The following PHACTR2 variants were observed in gnomAD, a reference collection of about 807,000 sequenced individuals.
PHACTR2 encodes phosphatase and actin regulator 2.
A neutral mutation model predicts 76.0 loss-of-function variants in PHACTR2; 30 were observed. The observed-to-expected ratio is 0.39, with a 90% confidence interval of 0.30 to 0.54. The LOEUF (loss-of-function observed/expected upper bound fraction) is 0.54, where lower values mean the gene tolerates loss of function less well. PHACTR2 is among the 20% of genes least tolerant of loss of function. The pLI, the probability that PHACTR2 is intolerant of heterozygous loss-of-function variation, is 0.61. For synonymous variants in PHACTR2, 292 were observed against 292.5 expected (o/e 1.00, Z 0.02); for missense variants, 696 against 781.1 (o/e 0.89, Z 1.30).
Position 143,597,786 on chromosome 6 carries a change from C to T in PHACTR2, c.217+60579C>T, listed in dbSNP as rs990146516. On this transcript the variant is annotated intron_variant, in intron 1 of 11. Transcript: ENST00000367584. This position sits in a 1 kb window ranked among gnomAD's most constrained non-coding sequence, Gnocchi z 5.7. ...CATATAGAGCTAGATTATTGGAAAT[C>T]CTCCAGGTCCATTATATTGACATTC... is the stretch of plus-strand genomic sequence containing the variant. Among the ~76,000 whole-genome samples, 2 of 152,200 alleles carry T rather than the reference C, an allele frequency of 1.3e-5. No homozygotes were observed. Among genetic ancestry groups the T allele is most frequent in the African/African-American group, 4.8e-5 (2 of 41,448 alleles).
At chr6:143,677,949 T>G (rs1449030840), upstream of PHACTR2, 1 of 1,187,550 alleles carries the variant, frequency 8.4e-7, no homozygotes, top group Non-Finnish European at 1.1e-6. Context: ...CTAATCTGCA[T>G]AGAGGAATGA....
rs1450865701 is a variant in PHACTR2, at chr6:143,757,239, T to A, written c.455-3162T>A. 6.6e-6 allele frequency among the ~76,000 whole-genome samples: 1 copy of A among 151,990 alleles called. No homozygotes were observed. Among genetic ancestry groups the A allele is most frequent in the Non-Finnish European group, 1.5e-5 (1 of 67,978 alleles). ...TAGGGGCCAGGAAAAGAGTAGTAAA[T>A]GAAAAATGGCCTTTGCCTTAAGAGC... On this transcript the variant is annotated intron_variant, in intron 4 of 12. Coordinates refer to ENST00000440869, the MANE Select transcript of PHACTR2 (RefSeq NM_001100164.2). The surrounding 1 kb of genome is among the most constrained non-coding windows in gnomAD (Gnocchi z 4.2).
chr6:143,544,365 C>G lies in PHACTR2; in HGVS notation c.217+7158C>G, dbSNP rs528034071. Reference sequence around the variant, plus strand: ...GTGTTACAGGAGTGTTGCCATGACCCTTACGATAGGTGAGAAAAGGTATCA... The same window carrying G: ...GTGTTACAGGAGTGTTGCCATGACCGTTACGATAGGTGAGAAAAGGTATCA... On this transcript the variant is annotated intron_variant, in intron 1 of 11. Transcript: ENST00000367584. Among the ~76,000 whole-genome samples, 6 of 151,952 alleles carry G rather than the reference C, an allele frequency of 3.9e-5. No individual in the cohort carries two copies. In the East Asian group the frequency reaches 1.2e-3, roughly 29 times the overall value.
rs1318521908 is a variant in PHACTR2 at position 143,818,412 on chromosome 6, A to G, written c.1923-5262A>G. 1.3e-5 allele frequency among the ~76,000 whole-genome samples: 2 copies of G among 152,234 alleles called. No individual in the cohort carries two copies. The highest frequency in any genetic ancestry group is 2.9e-5 in the Non-Finnish European group (2 of 68,034). ...TTCCACATCTGTACAAAGATGATATAGGAGTACTTTCATCGTAAGATTGTT... is the reference window on the plus strand; with the variant it reads ...TTCCACATCTGTACAAAGATGATATGGGAGTACTTTCATCGTAAGATTGTT... On this transcript the variant is annotated intron_variant, in intron 12 of 12. Transcript: ENST00000440869. This position sits in a 1 kb window ranked among gnomAD's most constrained non-coding sequence, Gnocchi z 4.9.
In PHACTR2 at chr6:143,648,693, G is replaced by C. The variant is rs1776701216; in HGVS notation, c.13+40371G>C. 6.6e-6 allele frequency among the ~76,000 whole-genome samples: 1 copy of C among 152,154 alleles called. No individual in the cohort carries two copies. Among genetic ancestry groups the C allele is most frequent in the Non-Finnish European group, 1.5e-5 (1 of 68,020 alleles). On this transcript the variant is annotated intron_variant, in intron 1 of 11. Transcript: ENST00000305766. This position sits in a 1 kb window ranked among gnomAD's most constrained non-coding sequence, Gnocchi z 6.7. ...CTAGCATAGGGGAAAGTGTAATTCA[G>C]ACAGGCAGACTACTCTGTCTGCATT...
intron 12 of PHACTR2, among the ~76,000 whole-genome samples, chr6:143,814,095 C>A (rs1027509451): frequency 2.0e-5 from 3 of 152,184 alleles, no homozygotes; most frequent in Admixed American, 6.5e-5. Flanking sequence ...GTGGCTCATG[C>A]CTGTAATCCC....
chr6:143,814,595 CTTTTTTTTT>C (rs61652528), intron 12 of PHACTR2, among the ~76,000 whole-genome samples: 2 of 108,416 alleles, frequency 1.8e-5, no homozygotes, highest in African/African-American at 7.4e-5. Flanking sequence ...GACATACACA[CTTTTTTTTT>C]TTTTTTTTTT....
rs776969170 is a variant in PHACTR2, at chr6:143,736,554, A to ATTT, written c.215-12395_215-12393dup. Among the ~76,000 whole-genome samples, 10 of 56,948 alleles carry ATTT rather than the reference A, an allele frequency of 1.8e-4. 1 individual carries two copies. Among genetic ancestry groups the ATTT allele is most frequent in the South Asian group, 8.5e-4 (1 of 1,182 alleles). The allele number at this position is 56,948 out of a possible 152,430, so 37.4% of individuals were successfully genotyped here. A position where few individuals can be genotyped will look rare whatever the true frequency, so the allele number is the denominator to read the frequency against. On this transcript the variant is annotated intron_variant, in intron 2 of 12. Coordinates refer to ENST00000440869, the MANE Select transcript of PHACTR2 (RefSeq NM_001100164.2). ...TGTAATTTATGCCAAACCCTTTACAATTTTTTTTTTTTTTTTTTTTTTTTT... is the reference window on the plus strand; with the variant it reads ...TGTAATTTATGCCAAACCCTTTACAATTTTTTTTTTTTTTTTTTTTTTTTTTTT...
In PHACTR2 at chr6:143,556,939, C is replaced by T. The variant is rs1280949631; in HGVS notation, c.217+19732C>T. Among the ~76,000 whole-genome samples the T allele has an allele frequency of 1.3e-5, 2 of 152,198 alleles. No homozygotes were observed. On this transcript the variant is annotated intron_variant, in intron 1 of 11. Coordinates refer to the PHACTR2 transcript ENST00000367584. This position sits in a 1 kb window ranked among gnomAD's most constrained non-coding sequence, Gnocchi z 4.3. ...ATATGCTGCCTGTCTGTCCTCCTCC[C>T]TCAGAGAGACCACATTTCCTTTTGA...
rs1778119503 is a variant in PHACTR2, at chr6:143,709,386, AAGG to A, written c.47-2627_47-2625del. 6.6e-6 allele frequency among the ~76,000 whole-genome samples: 1 copy of A among 152,220 alleles called. No homozygotes were observed. The highest frequency in any genetic ancestry group is 2.1e-4 in the South Asian group (1 of 4,830). Reference sequence around the variant, plus strand: ...ATAGGATTTATTCCAATTTGTGTGGAAGGAGAACTCATAAGGATTTAGGAAGTG... The same window carrying A: ...ATAGGATTTATTCCAATTTGTGTGGAAGAACTCATAAGGATTTAGGAAGTG... On this transcript the variant is annotated intron_variant, in intron 1 of 12. Transcript: ENST00000440869. The surrounding 1 kb of genome is among the most constrained non-coding windows in gnomAD (Gnocchi z 4.4).
rs1779536115 is a variant in PHACTR2 at position 143,765,375 on chromosome 6, G to A, written c.809G>A (p.Gly270Glu). The change falls in exon 6 of 13, where the codon GGG becomes GAG. Residue 270 changes from glycine (G) to glutamate (E), a missense_variant. This residue lies in a region of PHACTR2 where 460 missense variants were observed against 450.9 expected (regional missense o/e 1.02). Transcript: ENST00000440869. This position sits in a 1 kb window ranked among gnomAD's most constrained non-coding sequence, Gnocchi z 4.1. The stretch of plus-strand genomic sequence containing the variant: ...AAGGAGACAGTTTCTAGCAAAGCAG[G>A]GACAGTGGGGACCACCAAGGGCAAG... ...ASKETVSSKA[G>E]TVGTTKGKRK... 1.2e-5 allele frequency: 20 copies of A among 1,614,162 alleles called. No homozygotes were observed. Among genetic ancestry groups the A allele is most frequent in the Non-Finnish European group, 1.7e-5 (20 of 1,180,038 alleles).
chr6:143,789,124 A>G lies in PHACTR2; in HGVS notation c.1845+214A>G. 1 of 415,520 alleles carries G rather than the reference A, an allele frequency of 2.4e-6. No homozygotes were observed. The highest frequency in any genetic ancestry group is 3.5e-5 in the East Asian group (1 of 28,934). 25.7% of individuals were successfully genotyped at this position (415,520 alleles called of 1,614,324 possible). A position where few individuals can be genotyped will look rare whatever the true frequency, so the allele number is the denominator to read the frequency against. On this transcript the variant is annotated intron_variant, in intron 11 of 12. Coordinates refer to ENST00000440869, the MANE Select transcript of PHACTR2 (RefSeq NM_001100164.2). The surrounding 1 kb of genome is among the most constrained non-coding windows in gnomAD (Gnocchi z 5.1). ...TCTCAGAGAAAAGTAGTTATTTACC[A>G]TATAACCTACCTGCTTTCATACCTG...
At chr6:143,544,264 AGGCG>A (rs1239194665) in intron 1 of PHACTR2, among the ~76,000 whole-genome samples, 3 of 151,954 alleles carry the variant, frequency 2.0e-5, no homozygotes, top group African/African-American at 7.3e-5. Context: ...GAAGGAAGGA[AGGCG>A]GGCAGGCTCC....
Position 143,671,084 on chromosome 6 carries a change from C to T in PHACTR2, c.14-40932C>T, listed in dbSNP as rs1486397385. On this transcript the variant is annotated intron_variant, in intron 1 of 11. Coordinates refer to the PHACTR2 transcript ENST00000305766. This position sits in a 1 kb window ranked among gnomAD's most constrained non-coding sequence, Gnocchi z 4.6. ...AGCTGGGATTACAGGAATGCGCCAC[C>T]ATGCCCAGCTAATTTTTGTATTTTT... 6.6e-6 allele frequency among the ~76,000 whole-genome samples: 1 copy of T among 152,074 alleles called. No homozygotes were observed. Among genetic ancestry groups the T allele is most frequent in the African/African-American group, 2.4e-5 (1 of 41,412 alleles).
In PHACTR2 at chr6:143,696,882, G is replaced by A. The variant is rs1204695458; in HGVS notation, c.47-15134G>A. 2.0e-5 allele frequency among the ~76,000 whole-genome samples: 3 copies of A among 152,170 alleles called. No homozygotes were observed. Among genetic ancestry groups the A allele is most frequent in the Admixed American group, 1.3e-4 (2 of 15,274 alleles). On this transcript the variant is annotated intron_variant, in intron 1 of 12. Transcript: ENST00000440869. This position sits in a 1 kb window ranked among gnomAD's most constrained non-coding sequence, Gnocchi z 4.1. ...GGAGATATTTGCTTCACAGTGGAAA[G>A]GTGAGATAGGAGAGGTGGTGTGTTC...
rs1776691544 is a variant in PHACTR2, at chr6:143,648,088, T to C, written c.13+39766T>C. On this transcript the variant is annotated intron_variant, in intron 1 of 11. Transcript: ENST00000305766. This position sits in a 1 kb window ranked among gnomAD's most constrained non-coding sequence, Gnocchi z 6.7. ...GTTGGGAACTGGTGGGTGATGACAT[T>C]TGGGGTCTGTTTTGAGAATTCAGGG... Among the ~76,000 whole-genome samples, 1 of 151,974 alleles carries C rather than the reference T, an allele frequency of 6.6e-6. No individual in the cohort carries two copies. The highest frequency in any genetic ancestry group is 1.5e-5 in the Non-Finnish European group (1 of 67,972).
At chr6:143,630,701 C>T (rs752438705) in intron 1 of PHACTR2, among the ~76,000 whole-genome samples, 33 of 152,272 alleles carry the variant, frequency 2.2e-4, no homozygotes, top group Admixed American at 5.9e-4. Context: ...AGCAGGTCTA[C>T]ATCATACGTA....
Position 143,801,890 on chromosome 6 carries a change from A to C in PHACTR2, c.1846-5167A>C, listed in dbSNP as rs1376789546. 1.3e-5 allele frequency among the ~76,000 whole-genome samples: 2 copies of C among 151,908 alleles called. No homozygotes were observed. The highest frequency in any genetic ancestry group is 2.9e-5 in the Non-Finnish European group (2 of 67,988). On this transcript the variant is annotated intron_variant, in intron 11 of 12. Transcript: ENST00000440869. The surrounding 1 kb of genome is among the most constrained non-coding windows in gnomAD (Gnocchi z 4.6). ...ACCTACAGATGGGGTTTGGGTGTGG[A>C]TGTCCTTTTTGTTGATGTTGATACT...
intron 1 of PHACTR2, among the ~76,000 whole-genome samples, chr6:143,572,108 A>G (rs1257695527): frequency 2.6e-5 from 4 of 152,246 alleles, no homozygotes; most frequent in Non-Finnish European, 4.4e-5. Context: ...ATTTCTTTTT[A>G]GTAGGTAACT....
Sources: gnomAD v4.1 joint callset for allele counts (sites outside exome capture counted in the v4.1 genomes callset) on GRCh38, gnomAD v4.1.1 for gene constraint, gnomAD v4.1.1 regional missense constraint, Gnocchi (gnomAD v3.1) non-coding constraint, MANE v1.5 for transcripts, NCBI Gene and HGNC (gene_info 2026-07-23, HGNC 2026-07-21) for gene names.